The following SNRPN variants were observed in gnomAD, a reference collection of about 807,000 sequenced individuals.
SNRPN encodes the protein small nuclear ribonucleoprotein polypeptide N.
SNRPN carries 7 observed loss-of-function variants against 25.2 expected under a neutral mutation model. The observed-to-expected ratio is 0.28, with a 90% CI of 0.16 to 0.52. The LOEUF is 0.52. SNRPN is among the 20% of genes least tolerant of loss of function. The pLI, the probability that SNRPN is intolerant of heterozygous loss-of-function variation, is 0.96. For missense variants in SNRPN, 196 were observed against 322.5 expected (o/e 0.61, Z 3.00); for synonymous variants, 124 against 110.6 (o/e 1.12, Z -0.76).
chr15:24,863,885 T>C (rs989564136), intron 1 of SNRPN, among the ~76,000 whole-genome samples: 4 of 150,872 alleles, frequency 2.7e-5, no homozygotes, highest in Non-Finnish European at 1.5e-5. Context: ...TTTCACTTTA[T>C]TTACAGTACT....
At chr15:24,897,050 G>A (rs2058121290) in intron 2 of SNRPN, among the ~76,000 whole-genome samples, 1 of 152,072 alleles carries the variant, frequency 6.6e-6, no homozygotes, top group African/African-American at 2.4e-5. Context: ...CTGCTCAGGA[G>A]GCTGAGGTGA....
intron 2 of SNRPN, among the ~76,000 whole-genome samples, chr15:24,830,646 C>T (rs1391724976): frequency 6.6e-6 from 1 of 151,980 alleles, no homozygotes; most frequent in East Asian, 1.9e-4. Flanking sequence ...CAATTTAGTT[C>T]AAATTATTTT....
chr15:24,940,654 T>C (rs2061495325), intron 3 of SNRPN, among the ~76,000 whole-genome samples: 1 of 152,170 alleles, frequency 6.6e-6, no homozygotes, highest in African/African-American at 2.4e-5. Context: ...GTGAGGAAGA[T>C]TGTTAATCAT....
chr15:24,955,747 A>AGGCGGCGACAGTGGGTATT, intron 1 of SNRPN, among the ~76,000 whole-genome samples: 1 of 147,314 alleles, frequency 6.8e-6, no homozygotes, highest in Admixed American at 6.7e-5. Context: ...GGTAGGGGGA[A>AGGCGGCGACAGTGGGTATT]GGCGGCGACA....
At chr15:24,919,225 T>G (rs562956316) in intron 2 of SNRPN, among the ~76,000 whole-genome samples, 7 of 151,336 alleles carry the variant, frequency 4.6e-5, no homozygotes, top group East Asian at 2.0e-4. Flanking sequence ...GTCAGGAGAT[T>G]AAGACCATCC....
rs1053357007 is a variant in SNRPN, at chr15:24,861,952, A to G, written c.-579+5236A>G. Among the ~76,000 whole-genome samples the G allele has an allele frequency of 1.3e-4, 18 of 143,832 alleles. 2 individuals are homozygous for G. The highest frequency in any genetic ancestry group is 5.2e-4 in the African/African-American group (18 of 34,292). 94.4% of individuals were successfully genotyped at this position (143,832 alleles called of 152,430 possible). ...ATCTTAATCGCACTGTGTGGCAGGA[A>G]GACTGATGGCAATAAAACATTTCTT... On this transcript the variant is annotated intron_variant, in intron 1 of 11. Coordinates refer to the SNRPN transcript ENST00000400097.
intron 2 of SNRPN, among the ~76,000 whole-genome samples, chr15:24,840,259 G>A (rs1462764865): frequency 1.3e-5 from 2 of 152,192 alleles, no homozygotes; most frequent in Non-Finnish European, 2.9e-5. Context: ...TCAGGAGGCT[G>A]AGACAGGAGA....
At chr15:24,966,454 T>C (rs537896387) in intron 2 of SNRPN, among the ~76,000 whole-genome samples, 3 of 152,292 alleles carry the variant, frequency 2.0e-5, no homozygotes, top group African/African-American at 7.2e-5. Flanking sequence ...GGATTCATTA[T>C]GTTGACAAGA....
At chr15:24,935,027 T>C (rs1443883092) in intron 3 of SNRPN, among the ~76,000 whole-genome samples, 1 of 152,144 alleles carries the variant, frequency 6.6e-6, no homozygotes, top group African/African-American at 2.4e-5. Flanking sequence ...ATCACAGCAC[T>C]TTGGGAGGCC....
At chr15:24,950,134 T>C (rs2062149775), upstream of SNRPN, among the ~76,000 whole-genome samples, 1 of 152,172 alleles carries the variant, frequency 6.6e-6, no homozygotes, top group Admixed American at 6.6e-5. Flanking sequence ...ACATTTTGTT[T>C]ATTCATTCAT....
intron 3 of SNRPN, among the ~76,000 whole-genome samples, chr15:24,922,380 G>A (rs1056495791): frequency 6.6e-5 from 10 of 152,136 alleles, no homozygotes; most frequent in Non-Finnish European, 1.3e-4. Context: ...CTTGAACCCA[G>A]AACTATTTTT....
intron 2 of SNRPN, among the ~76,000 whole-genome samples, chr15:24,839,133 G>C (rs2051462060): frequency 6.6e-6 from 1 of 152,178 alleles, no homozygotes. Context: ...TTGGAGTGTA[G>C]TGTTTAGTGT....
intron 3 of SNRPN, among the ~76,000 whole-genome samples, chr15:24,923,549 G>T (rs2060165500): frequency 6.6e-6 from 1 of 152,142 alleles, no homozygotes; most frequent in Non-Finnish European, 1.5e-5. Flanking sequence ...AGCATTATTT[G>T]TAATAGCCAA....
At chr15:24,887,146 CTT>C (rs759363529) in intron 2 of SNRPN, among the ~76,000 whole-genome samples, 14 of 128,740 alleles carry the variant, frequency 1.1e-4, no homozygotes, top group African/African-American at 2.4e-4. Flanking sequence ...ACACTGAGGT[CTT>C]TTTTTTTTTT....
chr15:24,823,977 C>T (rs1368935828), intron 1 of SNRPN: 2 of 152,052 alleles, frequency 1.3e-5, no homozygotes, highest in African/African-American at 4.8e-5. Context: ...TTTTAAAATG[C>T]TATCATAATC....
At chr15:24,931,356 T>C (rs2060839359) in intron 3 of SNRPN, among the ~76,000 whole-genome samples, 1 of 152,176 alleles carries the variant, frequency 6.6e-6, no homozygotes, top group Non-Finnish European at 1.5e-5. Context: ...TAATCACTAA[T>C]AACTATTGTA....
rs533802449 is a variant in SNRPN, at chr15:24,873,560, G to A, written c.-578-12956G>A. Reference sequence around the variant, plus strand: ...CCTCCCCGGTTCACACCATTCTCCTGCCTCAGCCTCCCAAGCAGCTGGGAC... The same window carrying A: ...CCTCCCCGGTTCACACCATTCTCCTACCTCAGCCTCCCAAGCAGCTGGGAC... On this transcript the variant is annotated intron_variant, in intron 1 of 11. Coordinates refer to the SNRPN transcript ENST00000400097. 5.3e-3 allele frequency among the ~76,000 whole-genome samples: 802 copies of A among 151,152 alleles called. 3 individuals are homozygous for A. The highest frequency in any genetic ancestry group is 9.5e-3 in the South Asian group (45 of 4,736).
chr15:24,826,429 A>G (rs2050082568), intron 1 of SNRPN, among the ~76,000 whole-genome samples: 1 of 152,132 alleles, frequency 6.6e-6, no homozygotes, highest in Non-Finnish European at 1.5e-5. Flanking sequence ...CACTGTGCTC[A>G]TTGCCTGATG....
At chr15:24,969,589 G>A (rs2076144040) in intron 3 of SNRPN, among the ~76,000 whole-genome samples, 1 of 151,718 alleles carries the variant, frequency 6.6e-6, no homozygotes, top group African/African-American at 2.4e-5. Flanking sequence ...TTGAATAGGT[G>A]TGCACAACTG....
Sources: gnomAD v4.1 joint callset for allele counts (sites outside exome capture counted in the v4.1 genomes callset) on GRCh38, gnomAD v4.1.1 for gene constraint, MANE v1.5 for transcripts, NCBI Gene and HGNC (gene_info 2026-07-23, HGNC 2026-07-21) for gene names.